Variants in SGCZ observed in about 807,000 individuals in gnomAD.
The protein encoded by SGCZ is sarcoglycan zeta, also known as zeta-sarcoglycan.
SGCZ carries 40 observed loss-of-function variants against 41.3 expected under a neutral mutation model. That is an observed-to-expected ratio of 0.97 (90% CI 0.75 to 1.26). SGCZ has a LOEUF of 1.26. Ranked by LOEUF, SGCZ falls within the 50% of genes most tolerant of loss-of-function variation. The probability of loss-of-function intolerance (pLI) is 0.00; values close to 1 mark genes in which losing one functional copy is unlikely to be tolerated. For synonymous variants in SGCZ, 206 were observed against 137.5 expected (o/e 1.50, Z -3.49); for missense variants, 552 against 369.8 (o/e 1.49, Z -4.04).
intron 1 of SGCZ, among the ~76,000 whole-genome samples, chr8:15,208,252 A>G (rs1028855402): frequency 6.6e-6 from 1 of 152,212 alleles, no homozygotes. Context: ...GAACCAGGCT[A>G]GTGATGCCAT....
intron 2 of SGCZ, among the ~76,000 whole-genome samples, chr8:14,411,580 C>G (rs1799361645): frequency 6.6e-6 from 1 of 152,042 alleles, no homozygotes; most frequent in African/African-American, 2.4e-5. Context: ...AAGTACCTCC[C>G]CAAACCTCTA....
At chr8:14,105,014 T>C (rs1446474878) in intron 6 of SGCZ, among the ~76,000 whole-genome samples, 1 of 152,144 alleles carries the variant, frequency 6.6e-6, no homozygotes, top group Non-Finnish European at 1.5e-5. Context: ...ACAGAAACTC[T>C]TCAAACTGTA....
intron 1 of SGCZ, among the ~76,000 whole-genome samples, chr8:14,655,644 G>A (rs1219036508): frequency 1.3e-5 from 2 of 152,046 alleles, no homozygotes; most frequent in Non-Finnish European, 2.9e-5. Context: ...TTCACCCAAT[G>A]GGAGTATCTT....
intron 1 of SGCZ, among the ~76,000 whole-genome samples, chr8:14,641,026 A>T (rs916284187): frequency 6.6e-6 from 1 of 151,682 alleles, no homozygotes; most frequent in Non-Finnish European, 1.5e-5. Flanking sequence ...TGAGAATTCC[A>T]TTAGAAAATT....
At chr8:14,396,758 C>T (rs780183821) in intron 2 of SGCZ, among the ~76,000 whole-genome samples, 22 of 151,822 alleles carry the variant, frequency 1.4e-4, no homozygotes, top group Non-Finnish European at 2.2e-4. Flanking sequence ...AATAGAGTTA[C>T]GAGATAGTGA....
At chr8:15,063,195 C>G (rs1242896793) in intron 1 of SGCZ, among the ~76,000 whole-genome samples, 2 of 152,014 alleles carry the variant, frequency 1.3e-5, no homozygotes, top group Non-Finnish European at 2.9e-5. Flanking sequence ...TTGGAACTTT[C>G]TAATTGAAAA....
At chr8:14,854,022 TA>T (rs1803449664) in intron 1 of SGCZ, among the ~76,000 whole-genome samples, 3 of 2,572 alleles carry the variant, frequency 1.2e-3, no homozygotes, top group South Asian at 0.016. Context: ...GTGATTATAT[TA>T]TATATATATA....
chr8:14,387,062 A>G (rs1046193227), intron 2 of SGCZ, among the ~76,000 whole-genome samples: 3 of 152,154 alleles, frequency 2.0e-5, no homozygotes, highest in African/African-American at 7.2e-5. Flanking sequence ...AAACACATTT[A>G]TGTTTGTTTG....
intron 2 of SGCZ, among the ~76,000 whole-genome samples, chr8:14,509,187 G>C (rs559544357): frequency 6.6e-6 from 1 of 151,996 alleles, no homozygotes; most frequent in Non-Finnish European, 1.5e-5. Context: ...TGGTCATAAA[G>C]CTTCTAAACT....
chr8:14,216,774 A>C (rs953384067), intron 4 of SGCZ, among the ~76,000 whole-genome samples: 1 of 152,212 alleles, frequency 6.6e-6, no homozygotes, highest in African/African-American at 2.4e-5. Flanking sequence ...AGAATGGTGA[A>C]AGACTAAATG....
chr8:14,299,650 A>T (rs1388869858), intron 3 of SGCZ, among the ~76,000 whole-genome samples: 1 of 151,906 alleles, frequency 6.6e-6, no homozygotes, highest in African/African-American at 2.4e-5. Context: ...TAAACAGACT[A>T]ATAATACTAA....
intron 1 of SGCZ, among the ~76,000 whole-genome samples, chr8:14,556,355 T>C (rs899255730): frequency 2.0e-5 from 3 of 151,692 alleles, no homozygotes; most frequent in African/African-American, 4.8e-5. Context: ...AATTAAATTA[T>C]ATGTTAAGTA....
chr8:15,171,828 T>A (rs920264919), intron 1 of SGCZ, among the ~76,000 whole-genome samples: 4 of 152,286 alleles, frequency 2.6e-5, no homozygotes, highest in Admixed American at 2.6e-4. Context: ...TTCTCTCAAT[T>A]CCATCTAAAA....
intron 5 of SGCZ, among the ~76,000 whole-genome samples, chr8:14,147,849 T>C (rs1803575121): frequency 6.6e-6 from 1 of 152,074 alleles, no homozygotes; most frequent in Non-Finnish European, 1.5e-5. Flanking sequence ...ATGGAAATAA[T>C]GTCAAGCATA....
At chr8:14,460,585 A>G (rs1800873554) in intron 2 of SGCZ, among the ~76,000 whole-genome samples, 1 of 152,168 alleles carries the variant, frequency 6.6e-6, no homozygotes, top group African/African-American at 2.4e-5. Flanking sequence ...GATGTGCATA[A>G]TAACAAGAAA....
At position 15,237,694 on chromosome 8, in the gene SGCZ, C is replaced by T; in HGVS notation, c.-71G>A. Reference sequence around the variant, plus strand: ...CAAAAACAATCTAGTCTTTTAGTTTCCAGCTTAAACTCAGCTTTATCCTCC... The same window carrying T: ...CAAAAACAATCTAGTCTTTTAGTTTTCAGCTTAAACTCAGCTTTATCCTCC... On this transcript the variant is annotated 5_prime_UTR_variant, in exon 1 of 8. An upstream open reading frame in the 5' UTR gains an earlier in-frame stop. Transcript: ENST00000382080. The T allele has an allele frequency of 6.6e-7, 1 of 1,519,904 alleles. No homozygotes were observed. The highest frequency in any genetic ancestry group is 8.9e-7 in the Non-Finnish European group (1 of 1,118,376). 94.2% of individuals were successfully genotyped at this position (1,519,904 alleles called of 1,614,324 possible).
chr8:15,183,963 G>T (rs560195917), intron 1 of SGCZ, among the ~76,000 whole-genome samples: 1 of 152,204 alleles, frequency 6.6e-6, no homozygotes, highest in South Asian at 2.1e-4. Flanking sequence ...AGAGAAGGAA[G>T]AATTATTGTA....
At position 14,149,770 on chromosome 8, in the gene SGCZ, C is replaced by T. The variant is rs576360713; in HGVS notation, c.547+14810G>A. 2.6e-5 allele frequency among the ~76,000 whole-genome samples: 4 copies of T among 152,032 alleles called. No individual in the cohort carries two copies. In the South Asian group the frequency reaches 8.3e-4, roughly 32 times the overall value. On this transcript the variant is annotated intron_variant, in intron 5 of 7. Coordinates refer to ENST00000382080, the MANE Select transcript of SGCZ (RefSeq NM_139167.4). ...ACTGGAGTAATACATCACCTGACTT[C>T]AGATTATACTGTGGAGCTACAGCAA...
In SGCZ at chr8:15,237,634, T is replaced by C. The variant is rs769418776; in HGVS notation, c.-11A>G. On this transcript the variant is annotated 5_prime_UTR_variant, in exon 1 of 8. Coordinates refer to ENST00000382080, the MANE Select transcript of SGCZ (RefSeq NM_139167.4). ...CGTTGATCTGTCCATGGAGCGCAACTAAACGAAGTGGAGAGGAACCGGGCG... is the reference window on the plus strand; with the variant it reads ...CGTTGATCTGTCCATGGAGCGCAACCAAACGAAGTGGAGAGGAACCGGGCG... 21 of 1,581,252 alleles carry C rather than the reference T, an allele frequency of 1.3e-5. No homozygotes were observed. The highest frequency in any genetic ancestry group is 2.7e-5 in the African/African-American group (2 of 74,184).
Sources: allele counts gnomAD v4.1 joint callset (sites outside exome capture counted in the v4.1 genomes callset), GRCh38; gene constraint gnomAD v4.1.1; transcripts MANE v1.5; gene names NCBI Gene and HGNC (gene_info 2026-07-23, HGNC 2026-07-21).